Variants in CTNND2 observed in about 807,000 individuals in gnomAD.
CTNND2 encodes the protein catenin delta 2.
In CTNND2, 22 loss-of-function variants were observed where a neutral mutation model predicts 144.4. That is an observed-to-expected ratio of 0.15 (90% CI 0.11 to 0.22). CTNND2 has a LOEUF of 0.22. CTNND2 is among the 10% of genes least tolerant of loss of function. CTNND2 has a pLI of 1.00. For synonymous variants in CTNND2, 751 were observed against 695.6 expected (o/e 1.08, Z -1.25); for missense variants, 1,353 against 1,618.8 (o/e 0.84, Z 2.82).
At chr5:11,831,492 C>A (rs1482954640) in intron 1 of CTNND2, among the ~76,000 whole-genome samples, 2 of 151,866 alleles carry the variant, frequency 1.3e-5, no homozygotes, top group Admixed American at 6.6e-5. Flanking sequence ...CACGGTGAAA[C>A]CCCGTCTCTA....
rs115257532 is a variant in CTNND2 at position 11,217,915 on chromosome 5, C to T, written c.1762-18254G>A. Among the ~76,000 whole-genome samples, 88 of 152,192 alleles carry T rather than the reference C, an allele frequency of 5.8e-4. 1 individual carries two copies. The highest frequency in any genetic ancestry group is 2.0e-3 in the African/African-American group (83 of 41,544). ...TGTGGATCTTAGGCATCCAAGGTTG[C>T]GGCTCATATTATTATCCACTGAAGA... is the stretch of plus-strand genomic sequence containing the variant. On this transcript the variant is annotated intron_variant, in intron 10 of 21. Transcript: ENST00000304623.
chr5:11,571,102 G>T (rs1291192533), intron 2 of CTNND2, among the ~76,000 whole-genome samples: 1 of 151,968 alleles, frequency 6.6e-6, no homozygotes, highest in East Asian at 1.9e-4. Flanking sequence ...TTATTCTATG[G>T]ATGTAAAATC....
intron 12 of CTNND2, among the ~76,000 whole-genome samples, chr5:11,122,718 T>C (rs1754265713): frequency 6.6e-6 from 1 of 151,972 alleles, no homozygotes; most frequent in South Asian, 2.1e-4. Flanking sequence ...TGAGACCATA[T>C]ACTAGTTTGA....
intron 3 of CTNND2, among the ~76,000 whole-genome samples, chr5:11,524,400 T>C (rs1773027823): frequency 6.6e-6 from 1 of 152,192 alleles, no homozygotes; most frequent in Non-Finnish European, 1.5e-5. Flanking sequence ...CTTTGGCTAA[T>C]GGAATTTCAA....
At chr5:11,035,981 A>C (rs1310189495) in intron 16 of CTNND2, among the ~76,000 whole-genome samples, 1 of 152,230 alleles carries the variant, frequency 6.6e-6, no homozygotes, top group Non-Finnish European at 1.5e-5. Context: ...AGTAGGGTAC[A>C]AAAATAATGA....
rs79505754 is a variant in CTNND2, at chr5:11,031,016, A to T, written c.2789-8037T>A. Among the ~76,000 whole-genome samples the T allele has an allele frequency of 9.3e-3, 1,413 of 152,144 alleles. 16 individuals carry two copies. Among genetic ancestry groups the T allele is most frequent in the Non-Finnish European group, 0.015 (1,010 of 67,992 alleles). ...TTCACAGATGTTTTCTGAGCATGAG[A>T]GTTTCCCTGGGCATGCATACTGGCT... is the stretch of plus-strand genomic sequence containing the variant. On this transcript the variant is annotated intron_variant, in intron 16 of 21. Coordinates refer to ENST00000304623, the MANE Select transcript of CTNND2 (RefSeq NM_001332.4).
chr5:11,813,591 A>G (rs1026457774), intron 1 of CTNND2, among the ~76,000 whole-genome samples: 8 of 152,222 alleles, frequency 5.3e-5, no homozygotes, highest in African/African-American at 1.9e-4. Flanking sequence ...GGTGATACAT[A>G]TATCTCATTC....
intron 3 of CTNND2, among the ~76,000 whole-genome samples, chr5:11,476,627 G>A (rs554793596): frequency 6.6e-6 from 1 of 152,190 alleles, no homozygotes; most frequent in East Asian, 1.9e-4. Flanking sequence ...ATATCTATTT[G>A]CTATTCAGTA....
intron 1 of CTNND2, among the ~76,000 whole-genome samples, chr5:11,887,185 A>G (rs1271150220): frequency 1.3e-5 from 2 of 151,972 alleles, no homozygotes; most frequent in African/African-American, 2.4e-5. Flanking sequence ...GGGTTTAACC[A>G]TGTTAGCCAG....
At chr5:11,075,507 C>T (rs1276456704) in intron 16 of CTNND2, among the ~76,000 whole-genome samples, 1 of 152,164 alleles carries the variant, frequency 6.6e-6, no homozygotes, top group East Asian at 1.9e-4. Context: ...TGATGGCAAA[C>T]TGGGAAAGGG....
At chr5:11,767,165 A>C (rs112113468) in intron 1 of CTNND2, among the ~76,000 whole-genome samples, 1 of 152,238 alleles carries the variant, frequency 6.6e-6, no homozygotes, top group African/African-American at 2.4e-5. Flanking sequence ...CAAGATGCTA[A>C]GCACATGTGA....
intron 9 of CTNND2, among the ~76,000 whole-genome samples, chr5:11,323,234 G>T (rs1014122404): frequency 2.7e-5 from 4 of 146,050 alleles, no homozygotes; most frequent in African/African-American, 9.9e-5. Context: ...TAGAGATTGG[G>T]GGGGGGGGTC....
intron 12 of CTNND2, among the ~76,000 whole-genome samples, chr5:11,141,280 A>T (rs1473273924): frequency 1.3e-5 from 2 of 152,112 alleles, no homozygotes; most frequent in East Asian, 3.8e-4. Context: ...AAACAAATGC[A>T]TATAAGACCG....
At chr5:11,366,825 C>A (rs1303191344) in intron 7 of CTNND2, among the ~76,000 whole-genome samples, 1 of 152,120 alleles carries the variant, frequency 6.6e-6, no homozygotes, top group African/African-American at 2.4e-5. Context: ...AGAGGATCTG[C>A]TGAACTTTTA....
intron 3 of CTNND2, among the ~76,000 whole-genome samples, chr5:11,416,699 A>C (rs565540978): frequency 2.6e-5 from 4 of 152,252 alleles, no homozygotes; most frequent in African/African-American, 9.6e-5. Context: ...CCTGTGGTAA[A>C]TTTTCTCTCA....
At chr5:11,835,365 T>TA (rs1794122777) in intron 1 of CTNND2, among the ~76,000 whole-genome samples, 1 of 152,192 alleles carries the variant, frequency 6.6e-6, no homozygotes, top group Non-Finnish European at 1.5e-5. Context: ...CACAAAAGCA[T>TA]ACACTATTCA....
At chr5:11,861,518 C>T (rs1304429273) in intron 1 of CTNND2, among the ~76,000 whole-genome samples, 2 of 152,166 alleles carry the variant, frequency 1.3e-5, no homozygotes, top group Non-Finnish European at 2.9e-5. Context: ...AGAAGATGAT[C>T]ACCTCTCTCG....
chr5:11,626,696 T>C (rs963674412), intron 2 of CTNND2, among the ~76,000 whole-genome samples: 1 of 152,194 alleles, frequency 6.6e-6, no homozygotes, highest in Non-Finnish European at 1.5e-5. Flanking sequence ...TAGGAAGCTA[T>C]GACACTGCAC....
intron 1 of CTNND2, among the ~76,000 whole-genome samples, chr5:11,887,097 C>T (rs954897157): frequency 6.7e-6 from 1 of 149,266 alleles, no homozygotes; most frequent in Non-Finnish European, 1.5e-5. Flanking sequence ...CATTCTTCTG[C>T]CTCAGCCTCC....
Sources: gnomAD v4.1 joint callset for allele counts (sites outside exome capture counted in the v4.1 genomes callset) on GRCh38, gnomAD v4.1.1 for gene constraint, MANE v1.5 for transcripts, NCBI Gene and HGNC (gene_info 2026-07-23, HGNC 2026-07-21) for gene names.